The following DOCK5 variants were observed in gnomAD, a reference collection of about 807,000 sequenced individuals.
DOCK5 encodes dedicator of cytokinesis protein 5.
A neutral mutation model predicts 251.8 loss-of-function variants in DOCK5; 142 were observed. The observed-to-expected ratio is 0.56, with a 90% CI of 0.49 to 0.65. The LOEUF is 0.65. Among genes scored for constraint, DOCK5 ranks in the 30% least tolerant of loss-of-function variants. The pLI is 0.00. For synonymous variants in DOCK5, 842 were observed against 835.5 expected, an observed-to-expected ratio of 1.01 and a Z score of -0.13; for missense variants, 2,111 against 2,312.3, an observed-to-expected ratio of 0.91 and a Z score of 1.79.
At chr8:25,312,177 A>G (rs1390008907) in intron 13 of DOCK5, among the ~76,000 whole-genome samples, 1 of 152,188 alleles carries the variant, frequency 6.6e-6, no homozygotes, top group Non-Finnish European at 1.5e-5. Context: ...TACATTCATC[A>G]ACATTCTGGG....
intron 18 of DOCK5, among the ~76,000 whole-genome samples, chr8:25,329,981 G>A (rs529125200): frequency 5.3e-5 from 8 of 152,300 alleles, no homozygotes; most frequent in Non-Finnish European, 8.8e-5. Flanking sequence ...ATTTTCCTAT[G>A]TGAGCAGTGA....
At chr8:25,241,922 A>G (rs1168561495) in intron 1 of DOCK5, among the ~76,000 whole-genome samples, 1 of 149,970 alleles carries the variant, frequency 6.7e-6, no homozygotes, top group African/African-American at 2.4e-5. Context: ...CAAACACCAC[A>G]TGTTCTCACT....
chr8:25,391,981 G>T lies in DOCK5; in HGVS notation c.4440+1G>T. The T allele has an allele frequency of 6.2e-7, 1 of 1,613,428 alleles. No individual in the cohort carries two copies. The highest frequency in any genetic ancestry group is 8.5e-7 in the Non-Finnish European group (1 of 1,179,620). Reference sequence around the variant, plus strand: ...AAAGGATCCAGACAATGAATTTGCTGTGAGTTCACCCCTTTTGTCCTTTAA... The same window carrying T: ...AAAGGATCCAGACAATGAATTTGCTTTGAGTTCACCCCTTTTGTCCTTTAA... On this transcript the variant is annotated splice_donor_variant, in intron 43 of 51. Coordinates refer to ENST00000276440, the MANE Select transcript of DOCK5 (RefSeq NM_024940.8). LOFTEE classifies it high-confidence loss of function.
rs1801625723 is a variant in DOCK5, at chr8:25,411,178, G to A, written c.5509-16G>A. The A allele has an allele frequency of 2.6e-6, 4 of 1,539,330 alleles. No individual in the cohort carries two copies. Among genetic ancestry groups the A allele is most frequent in the East Asian group, 5.3e-5 (2 of 37,766 alleles). On this transcript the variant is annotated splice_polypyrimidine_tract_variant and intron_variant, in intron 51 of 51. Transcript: ENST00000276440. ...AGCTAAGACCTGCTTCTAATTTTGT[G>A]TTTCTGCTTCTGCAGCTCGCTCCCC...
intron 47 of DOCK5, among the ~76,000 whole-genome samples, chr8:25,402,513 G>T (rs142891420): frequency 3.4e-3 from 520 of 152,118 alleles, no homozygotes; most frequent in African/African-American, 0.012. Context: ...AGCCGGAATG[G>T]TCTCAATCTC....
In DOCK5 at chr8:25,260,201, G is replaced by A. The variant is rs139389700; in HGVS notation, c.128-8644G>A. 2.6e-3 allele frequency among the ~76,000 whole-genome samples: 401 copies of A among 151,930 alleles called. 3 individuals carry two copies. Among genetic ancestry groups the A allele is most frequent in the African/African-American group, 9.2e-3 (378 of 41,222 alleles). On this transcript the variant is annotated intron_variant, in intron 2 of 51. Transcript: ENST00000276440. ...GGGGATGGGAGGACAGGATATGCCC[G>A]TGGAAACCTGACGAGCTTACCTGGC...
intron 1 of DOCK5, among the ~76,000 whole-genome samples, chr8:25,228,264 C>T (rs983314655): frequency 2.6e-5 from 4 of 152,208 alleles, no homozygotes; most frequent in Non-Finnish European, 5.9e-5. Context: ...TTTTGTTCCA[C>T]TTAGAAAAAG....
intron 1 of DOCK5, among the ~76,000 whole-genome samples, chr8:25,196,253 A>G (rs540413039): frequency 3.3e-5 from 5 of 152,306 alleles, no homozygotes; most frequent in African/African-American, 1.2e-4. Flanking sequence ...CTGGAAAGAA[A>G]ATGCTTGACC....
At chr8:25,196,921 G>A (rs1801743007) in intron 1 of DOCK5, among the ~76,000 whole-genome samples, 1 of 152,154 alleles carries the variant, frequency 6.6e-6, no homozygotes, top group South Asian at 2.1e-4. Context: ...TATTTTGGCT[G>A]GGCACCGTGG....
At chr8:25,379,823 A>G (rs56319343) in intron 38 of DOCK5, among the ~76,000 whole-genome samples, 9,807 of 149,628 alleles carry the variant, frequency 0.066, 361 homozygotes, top group South Asian at 0.11. Flanking sequence ...GCCTTTTTCC[A>G]TCTCCACAAA....
intron 26 of DOCK5, among the ~76,000 whole-genome samples, chr8:25,347,000 A>G (rs968213074): frequency 6.6e-6 from 1 of 152,300 alleles, no homozygotes; most frequent in Admixed American, 6.5e-5. Context: ...CACAAATTAT[A>G]GTTACCACGT....
At chr8:25,381,226 A>G (rs1295248643) in intron 39 of DOCK5, among the ~76,000 whole-genome samples, 3 of 152,370 alleles carry the variant, frequency 2.0e-5, no homozygotes, top group African/African-American at 4.8e-5. Context: ...TAGTCATGAA[A>G]TAATCATTTA....
At chr8:25,243,308 G>A (rs1054500008) in intron 1 of DOCK5, among the ~76,000 whole-genome samples, 4 of 151,658 alleles carry the variant, frequency 2.6e-5, no homozygotes, top group South Asian at 2.1e-4. Context: ...TTTGTTGACC[G>A]AATTGTTCAC....
At chr8:25,371,518 A>G (rs893675066) in intron 34 of DOCK5, among the ~76,000 whole-genome samples, 1 of 152,244 alleles carries the variant, frequency 6.6e-6, no homozygotes, top group Non-Finnish European at 1.5e-5. Flanking sequence ...TCTGTATTTT[A>G]AAGGACTAGA....
In DOCK5 at chr8:25,413,201, T is replaced by G. The variant is rs1397333464; in HGVS notation, c.*1903T>G. 6.6e-6 allele frequency: 1 copy of G among 152,126 alleles called. No homozygotes were observed. The highest frequency in any genetic ancestry group is 6.6e-5 in the Admixed American group (1 of 15,262). The allele number at this position is 152,126 out of a possible 1,614,324, so 9.4% of individuals were successfully genotyped here. A position where few individuals can be genotyped will look rare whatever the true frequency, so the allele number is the denominator to read the frequency against. ...GAGATGAAATATGGGAAAGAAGAGG[T>G]ACTCACCTGATGGTCCCTGCTTTCC... On this transcript the variant is annotated 3_prime_UTR_variant, in exon 52 of 52. Transcript: ENST00000276440.
chr8:25,244,701 A>T lies in DOCK5; in HGVS notation c.127+944A>T, dbSNP rs555816230. On this transcript the variant is annotated intron_variant, in intron 2 of 51. Transcript: ENST00000276440. The stretch of plus-strand genomic sequence containing the variant: ...GATGACACAGGATGAGAAAGAAGAG[A>T]TGGGAAGGCAGGAGGAAAGGAAGCA... Among the ~76,000 whole-genome samples, 5 of 152,306 alleles carry T rather than the reference A, an allele frequency of 3.3e-5. No individual in the cohort carries two copies. In the South Asian group the frequency reaches 8.3e-4, roughly 25 times the overall value.
chr8:25,190,682 G>A (rs1011383649), intron 1 of DOCK5, among the ~76,000 whole-genome samples: 4 of 150,250 alleles, frequency 2.7e-5, no homozygotes, highest in African/African-American at 9.8e-5. Context: ...GCAAGACAGT[G>A]ATACTTGTTG....
chr8:25,267,852 G>A (rs1803803403), intron 2 of DOCK5, among the ~76,000 whole-genome samples: 1 of 151,732 alleles, frequency 6.6e-6, no homozygotes, highest in Non-Finnish European at 1.5e-5. Flanking sequence ...ATAGGGGTGT[G>A]TACCTTTATT....
chr8:25,369,673 G>A lies in DOCK5; in HGVS notation c.3524+32G>A, dbSNP rs769185949. On this transcript the variant is annotated intron_variant, in intron 34 of 51. Transcript: ENST00000276440. ...ATTTCAGGAACGAAACCTGAAGTCA[G>A]TGGTGTCATTTAGTAATAGAGAAAA... 21 of 1,564,188 alleles carry A rather than the reference G, an allele frequency of 1.3e-5. 1 individual carries two copies. In the South Asian group the frequency reaches 1.6e-4, roughly 12 times the overall value.
Sources: gnomAD v4.1 joint callset for allele counts (sites outside exome capture counted in the v4.1 genomes callset) on GRCh38, gnomAD v4.1.1 for gene constraint, MANE v1.5 for transcripts, NCBI Gene and HGNC (gene_info 2026-07-23, HGNC 2026-07-21) for gene names.